The following SLC25A26 variants were observed in gnomAD, a reference collection of about 807,000 sequenced individuals.
SLC25A26 encodes the protein mitochondrial S-adenosylmethionine carrier protein.
Under a neutral mutation model 37.8 loss-of-function variants are expected in SLC25A26, and 36 were observed. The observed-to-expected ratio is 0.95, with a 90% confidence interval of 0.73 to 1.26. The LOEUF is 1.26. SLC25A26 is among the 50% of genes most tolerant of loss of function. The pLI is 0.00. For missense variants in SLC25A26, 390 were observed against 331.1 expected (o/e 1.18, Z -1.38); for synonymous variants, 129 against 122.5 (o/e 1.05, Z -0.35).
At chr3:66,336,200 G>C (rs904403457) in intron 5 of SLC25A26, among the ~76,000 whole-genome samples, 1 of 152,028 alleles carries the variant, frequency 6.6e-6, no homozygotes, top group African/African-American at 2.4e-5. Context: ...TCAGAAATAG[G>C]GAAAGCCTGG....
intron 5 of SLC25A26, among the ~76,000 whole-genome samples, chr3:66,323,537 A>G (rs774037612): frequency 2.6e-5 from 4 of 152,150 alleles, no homozygotes; most frequent in Admixed American, 6.5e-5. Flanking sequence ...TTTTTTAAAG[A>G]TAGTTTGTCT....
chr3:66,236,623 A>T lies in SLC25A26; in HGVS notation c.113A>T (p.Gln38Leu), dbSNP rs781986991. Reference protein sequence around the residue: ...DTIKTRLQSPQGFSKAGGFHG... With the variant: ...DTIKTRLQSPLGFSKAGGFHG... ...ATTAAAACCAGGCTGCAGAGTCCCC[A>T]AGGATTTAGTAAGGCTGGTGGTTTT... The change falls in exon 2 of 10, where the codon CAA becomes CTA. Residue 38 changes from glutamine (Q) to leucine (L), a missense_variant. Physicochemically the swap from Gln to Leu is moderately radical, Grantham distance 113 (BLOSUM62 -2). Transcript: ENST00000354883. 5 of 1,528,670 alleles carry T rather than the reference A, an allele frequency of 3.3e-6. No homozygotes were observed. The South Asian group carries it at 6.0e-5, about 18-fold the overall frequency. The allele number at this position is 1,528,670 out of a possible 1,614,324, so 94.7% of individuals were successfully genotyped here.
intron 2 of SLC25A26, among the ~76,000 whole-genome samples, chr3:66,242,370 C>G (rs995163178): frequency 2.6e-5 from 4 of 152,208 alleles, no homozygotes; most frequent in Non-Finnish European, 4.4e-5. Flanking sequence ...ATTATTCATT[C>G]ATGGACAGAG....
chr3:66,155,965 A>G (rs2070277007), intron 1 of SLC25A26, among the ~76,000 whole-genome samples: 1 of 152,174 alleles, frequency 6.6e-6, no homozygotes, highest in Admixed American at 6.5e-5. Context: ...TGAGTCCCAA[A>G]CCCAAATTTC....
intron 2 of SLC25A26, among the ~76,000 whole-genome samples, chr3:66,238,924 A>G (rs1253684937): frequency 2.0e-5 from 3 of 152,160 alleles, no homozygotes; most frequent in Non-Finnish European, 4.4e-5. Flanking sequence ...AATTTATCAT[A>G]GTTTCTGTCT....
chr3:66,238,458 C>T (rs2072405740), intron 2 of SLC25A26, among the ~76,000 whole-genome samples: 1 of 152,136 alleles, frequency 6.6e-6, no homozygotes, highest in East Asian at 1.9e-4. Flanking sequence ...TCTCTGGTCA[C>T]TGCAGCCTCC....
chr3:66,363,453 A>G (rs1042223091), intron 7 of SLC25A26, among the ~76,000 whole-genome samples: 3 of 152,358 alleles, frequency 2.0e-5, no homozygotes, highest in Admixed American at 1.3e-4. Flanking sequence ...ACATCTGGGC[A>G]TTTTCGAGAC....
At chr3:66,358,745 G>A (rs1229050832) in intron 6 of SLC25A26, among the ~76,000 whole-genome samples, 1 of 152,160 alleles carries the variant, frequency 6.6e-6, no homozygotes, top group African/African-American at 2.4e-5. Flanking sequence ...TCCCATCCGG[G>A]CCTCCCAAAG....
At chr3:66,267,077 T>G (rs2073783086) in intron 5 of SLC25A26, among the ~76,000 whole-genome samples, 1 of 152,182 alleles carries the variant, frequency 6.6e-6, no homozygotes, top group Non-Finnish European at 1.5e-5. Flanking sequence ...CCCTGAAGCA[T>G]TCACTTTCTG....
intron 9 of SLC25A26, chr3:66,371,464 T>C: frequency 3.0e-5 from 40 of 1,351,180 alleles, no homozygotes; most frequent in Non-Finnish European, 3.7e-5. Context: ...ACATCCTAGA[T>C]TGAAATTTTC....
At chr3:66,160,242 A>T (rs185056868) in intron 1 of SLC25A26, among the ~76,000 whole-genome samples, 32 of 152,280 alleles carry the variant, frequency 2.1e-4, no homozygotes, top group African/African-American at 6.0e-4. Context: ...TGCCTGCCTC[A>T]GCATGCCAAA....
chr3:66,157,050 T>C (rs746955322), intron 1 of SLC25A26, among the ~76,000 whole-genome samples: 4 of 151,790 alleles, frequency 2.6e-5, no homozygotes, highest in African/African-American at 4.8e-5. Context: ...CTGGACAACA[T>C]AGTGAGACCC....
chr3:66,254,598 G>A (rs1257129186), intron 3 of SLC25A26, among the ~76,000 whole-genome samples: 1 of 152,224 alleles, frequency 6.6e-6, no homozygotes, highest in Non-Finnish European at 1.5e-5. Context: ...ATTAAACCTT[G>A]AACCTCTAAG....
At position 66,149,479 on chromosome 3, in the gene SLC25A26, T is replaced by G. The variant is rs72901257; in HGVS notation, c.-354+15495T>G. On this transcript the variant is annotated intron_variant, in intron 1 of 10. Coordinates refer to the SLC25A26 transcript ENST00000676754. The stretch of plus-strand genomic sequence containing the variant: ...CTCATATGTTACTTTGAGGTATATT[T>G]CTCACAATTGAAACTGACAGTCCTG... 5.8e-3 allele frequency among the ~76,000 whole-genome samples: 885 copies of G among 152,348 alleles called. 8 individuals carry two copies. The highest frequency in any genetic ancestry group is 0.02 in the African/African-American group (842 of 41,580).
intron 5 of SLC25A26, among the ~76,000 whole-genome samples, chr3:66,324,991 ATAGT>A (rs2075799839): frequency 6.6e-6 from 1 of 152,198 alleles, no homozygotes; most frequent in Admixed American, 6.5e-5. Flanking sequence ...TGTGACTCAA[ATAGT>A]TCAAATTTTG....
chr3:66,315,542 G>A (rs1009189177), intron 5 of SLC25A26, among the ~76,000 whole-genome samples: 10 of 151,978 alleles, frequency 6.6e-5, no homozygotes, highest in Non-Finnish European at 1.0e-4. Flanking sequence ...TCTTCCAATT[G>A]TGCGATCAGT....
At chr3:66,369,926 C>T (rs571056968) in intron 8 of SLC25A26, among the ~76,000 whole-genome samples, 1 of 152,226 alleles carries the variant, frequency 6.6e-6, no homozygotes, top group African/African-American at 2.4e-5. Flanking sequence ...AGACAGTTGT[C>T]AGAAATGTTG....
At chr3:66,205,922 T>C (rs2071170201) in intron 1 of SLC25A26, among the ~76,000 whole-genome samples, 1 of 151,940 alleles carries the variant, frequency 6.6e-6, no homozygotes, top group South Asian at 2.1e-4. Context: ...AATAAGAAAG[T>C]TAAAAAAGTG....
chr3:66,347,786 A>G (rs1411528869), intron 6 of SLC25A26, among the ~76,000 whole-genome samples: 1 of 152,218 alleles, frequency 6.6e-6, no homozygotes, highest in African/African-American at 2.4e-5. Flanking sequence ...ACGGAATACT[A>G]TGCAGCCATA....
Sources: allele counts gnomAD v4.1 joint callset (sites outside exome capture counted in the v4.1 genomes callset), GRCh38; gene constraint gnomAD v4.1.1; transcripts MANE v1.5; gene names NCBI Gene and HGNC (gene_info 2026-07-23, HGNC 2026-07-21).